The following ATG4C variants were observed in gnomAD, a reference collection of about 807,000 sequenced individuals.
ATG4C encodes cysteine protease ATG4C.
A neutral mutation model predicts 57.6 loss-of-function variants in ATG4C; 56 were observed. The observed-to-expected ratio is 0.97, with a 90% CI of 0.78 to 1.21. ATG4C has a LOEUF of 1.21. ATG4C is among the 50% of genes most tolerant of loss of function. The pLI is 0.00. For synonymous variants in ATG4C, 157 were observed against 174.1 expected, an observed-to-expected ratio of 0.90 and a Z score of 0.78; for missense variants, 595 against 529.8, an observed-to-expected ratio of 1.12 and a Z score of -1.21.
At position 62,812,649 on chromosome 1, in the gene ATG4C, G is replaced by C. The variant is rs561007955; in HGVS notation, c.161-3926G>C. The stretch of plus-strand genomic sequence containing the variant: ...AATCAGGCAAGAGAAAGCAATAAAG[G>C]GTATTCAAATAGGAAGAGAGGAAGT... On this transcript the variant is annotated intron_variant, in intron 3 of 10. Coordinates refer to ENST00000317868, the MANE Select transcript of ATG4C (RefSeq NM_032852.4). 3.0e-4 allele frequency among the ~76,000 whole-genome samples: 46 copies of C among 152,244 alleles called. No individual in the cohort carries two copies. In the South Asian group the frequency reaches 6.6e-3, roughly 22 times the overall value.
chr1:62,822,746 T>G (rs1665522195), intron 6 of ATG4C, among the ~76,000 whole-genome samples: 1 of 152,202 alleles, frequency 6.6e-6, no homozygotes, highest in Admixed American at 6.5e-5. Context: ...TTAAAGGTTT[T>G]GTTTTCTATT....
At chr1:62,824,505 T>C (rs1315558288) in intron 6 of ATG4C, among the ~76,000 whole-genome samples, 1 of 152,116 alleles carries the variant, frequency 6.6e-6, no homozygotes, top group Non-Finnish European at 1.5e-5. Flanking sequence ...ACAAGGAGTA[T>C]GGGTGTAAAG....
chr1:62,819,437 AAC>A (rs1296765191), intron 5 of ATG4C, 102 bp downstream of exon 5: 2 of 921,682 alleles, frequency 2.2e-6, no homozygotes, highest in African/African-American at 3.4e-5. Flanking sequence ...TTAAAAGTCT[AAC>A]TGTATGAGAA....
At chr1:62,801,975 A>AG (rs1572102760) in intron 1 of ATG4C, among the ~76,000 whole-genome samples, 2 of 144,980 alleles carry the variant, frequency 1.4e-5, no homozygotes, top group African/African-American at 2.6e-5. Flanking sequence ...AAAAAAAAAA[A>AG]AAAAAAAAAA....
At chr1:62,799,146 C>T (rs1021243177) in intron 1 of ATG4C, among the ~76,000 whole-genome samples, 6 of 152,082 alleles carry the variant, frequency 3.9e-5, no homozygotes, top group African/African-American at 7.2e-5. Flanking sequence ...CTTGAAAACT[C>T]GGCTCCAGCA....
At chr1:62,791,984 T>C (rs530111337) in intron 1 of ATG4C, among the ~76,000 whole-genome samples, 113 of 152,228 alleles carry the variant, frequency 7.4e-4, no homozygotes, top group Middle Eastern at 3.4e-3. Context: ...CATGTCAACT[T>C]GCTACTTTTA....
intron 9 of ATG4C, among the ~76,000 whole-genome samples, chr1:62,841,127 T>C (rs1666153155): frequency 1.3e-5 from 2 of 152,350 alleles, no homozygotes; most frequent in South Asian, 4.1e-4. Flanking sequence ...TTCATGTCTT[T>C]TTCATGTTTT....
chr1:62,836,268 A>G (rs990376375), intron 9 of ATG4C, among the ~76,000 whole-genome samples: 24 of 152,090 alleles, frequency 1.6e-4, no homozygotes, highest in African/African-American at 5.1e-4. Flanking sequence ...GGAAAGGAAT[A>G]ATTGATTTTA....
intron 10 of ATG4C, among the ~76,000 whole-genome samples, 189 bp downstream of exon 10, chr1:62,841,736 T>C (rs553913531): frequency 1.5e-4 from 23 of 152,284 alleles, no homozygotes; most frequent in African/African-American, 5.3e-4. Flanking sequence ...AAATGAAATC[T>C]AGTGACAAGT....
At chr1:62,861,626 C>CACACAG (rs1016485122) in intron 10 of ATG4C, among the ~76,000 whole-genome samples, 13 of 29,366 alleles carry the variant, frequency 4.4e-4, no homozygotes, top group African/African-American at 1.1e-3. Flanking sequence ...CACACACACA[C>CACACAG]AGAGAGACAC....
chr1:62,811,569 C>T (rs1365643537), intron 3 of ATG4C, among the ~76,000 whole-genome samples: 1 of 152,142 alleles, frequency 6.6e-6, no homozygotes, highest in African/African-American at 2.4e-5. Context: ...TAATAAGCCT[C>T]ATCTTTCCAC....
At chr1:62,822,825 C>T (rs912236820) in intron 6 of ATG4C, among the ~76,000 whole-genome samples, 2 of 152,036 alleles carry the variant, frequency 1.3e-5, no homozygotes, top group Non-Finnish European at 2.9e-5. Context: ...GCTTTAAATA[C>T]TTAGGACTAT....
chr1:62,787,341 T>G (rs967544868), intron 1 of ATG4C, among the ~76,000 whole-genome samples: 2 of 152,202 alleles, frequency 1.3e-5, no homozygotes, highest in Non-Finnish European at 2.9e-5. Flanking sequence ...CTATCTGTAA[T>G]ATATTAAACC....
intron 10 of ATG4C, among the ~76,000 whole-genome samples, chr1:62,855,454 T>A (rs1666653909): frequency 6.6e-6 from 1 of 152,222 alleles, no homozygotes; most frequent in Non-Finnish European, 1.5e-5. Context: ...ACTTATTACC[T>A]AGTAGCGCTG....
At chr1:62,831,669 A>C (rs1026819834) in intron 7 of ATG4C, among the ~76,000 whole-genome samples, 1 of 152,106 alleles carries the variant, frequency 6.6e-6, no homozygotes, top group African/African-American at 2.4e-5. Context: ...TTATTGCTTC[A>C]TGGATACAGC....
At chr1:62,791,441 T>A (rs1557955067) in intron 1 of ATG4C, among the ~76,000 whole-genome samples, 1 of 152,234 alleles carries the variant, frequency 6.6e-6, no homozygotes, top group Non-Finnish European at 1.5e-5. Flanking sequence ...TATAACAGAA[T>A]AACTGAAACT....
intron 3 of ATG4C, among the ~76,000 whole-genome samples, chr1:62,815,788 G>T (rs371590877): frequency 3.3e-5 from 5 of 152,300 alleles, no homozygotes; most frequent in African/African-American, 1.2e-4. Flanking sequence ...GAGTTCAAAC[G>T]ATTCCCTTGC....
chr1:62,829,546 CTA>C (rs1317770886), intron 7 of ATG4C, among the ~76,000 whole-genome samples: 2 of 152,054 alleles, frequency 1.3e-5, no homozygotes, highest in African/African-American at 4.8e-5. Flanking sequence ...AAAAAACTCT[CTA>C]TTACTGCTAT....
At chr1:62,854,231 G>C (rs1273695971) in intron 10 of ATG4C, among the ~76,000 whole-genome samples, 1 of 148,146 alleles carries the variant, frequency 6.8e-6, no homozygotes, top group Non-Finnish European at 1.5e-5. Context: ...TGTTGTTTAT[G>C]CTTCCTTCTG....
Sources: gnomAD v4.1 joint callset for allele counts (sites outside exome capture counted in the v4.1 genomes callset) on GRCh38, gnomAD v4.1.1 for gene constraint, MANE v1.5 for transcripts, NCBI Gene and HGNC (gene_info 2026-07-23, HGNC 2026-07-21) for gene names.